The following ADARB2 variants were observed in gnomAD, a reference collection of about 807,000 sequenced individuals.
ADARB2 encodes inactive double-stranded RNA-specific editase B2.
Under a neutral mutation model 62.2 loss-of-function variants are expected in ADARB2, and 25 were observed. The observed-to-expected ratio is 0.40, with a 90% CI of 0.29 to 0.56. The LOEUF (loss-of-function observed/expected upper bound fraction) is 0.56. ADARB2 is among the 20% of genes least tolerant of loss of function. The pLI is 0.43. For synonymous variants in ADARB2, 572 were observed against 500.8 expected (o/e 1.14, Z -1.90); for missense variants, 1,071 against 1,077.4 (o/e 0.99, Z 0.08).
At chr10:1,606,956 G>C (rs1017360853) in intron 1 of ADARB2, among the ~76,000 whole-genome samples, 1 of 152,142 alleles carries the variant, frequency 6.6e-6, no homozygotes, top group African/African-American at 2.4e-5. Context: ...CAGTAATTCA[G>C]GCAAAGAATG....
intron 1 of ADARB2, among the ~76,000 whole-genome samples, chr10:1,394,682 C>G (rs973154348): frequency 5.9e-5 from 9 of 152,136 alleles, no homozygotes; most frequent in Admixed American, 4.6e-4. Context: ...CACTGGGCTC[C>G]CTGCACTGCA....
At chr10:1,508,233 C>T (rs183844103) in intron 1 of ADARB2, among the ~76,000 whole-genome samples, 1 of 152,300 alleles carries the variant, frequency 6.6e-6, no homozygotes, top group Non-Finnish European at 1.5e-5. Flanking sequence ...GACCTCCATC[C>T]ATCCCCAGGA....
At chr10:1,606,641 C>T (rs1332964660) in intron 1 of ADARB2, among the ~76,000 whole-genome samples, 2 of 152,158 alleles carry the variant, frequency 1.3e-5, no homozygotes, top group East Asian at 3.9e-4. Context: ...TTCTTTCTGG[C>T]CGGAAGTTCT....
At chr10:1,436,491 T>C (rs1830836685) in intron 1 of ADARB2, among the ~76,000 whole-genome samples, 1 of 152,214 alleles carries the variant, frequency 6.6e-6, no homozygotes, top group Non-Finnish European at 1.5e-5. Flanking sequence ...ATGTTACCAT[T>C]GGAACTGGGT....
intron 1 of ADARB2, among the ~76,000 whole-genome samples, chr10:1,661,132 G>A (rs953016395): frequency 1.3e-5 from 2 of 152,164 alleles, no homozygotes; most frequent in Non-Finnish European, 2.9e-5. Context: ...GCTCCTGACC[G>A]AAATCAGCCA....
chr10:1,476,522 G>A (rs1162039450), intron 1 of ADARB2, among the ~76,000 whole-genome samples: 1 of 152,208 alleles, frequency 6.6e-6, no homozygotes, highest in Non-Finnish European at 1.5e-5. Context: ...CAGAAGCTGA[G>A]GCCTGAACGC....
intron 1 of ADARB2, among the ~76,000 whole-genome samples, chr10:1,525,159 T>C (rs1588287403): frequency 6.6e-6 from 1 of 152,070 alleles, no homozygotes; most frequent in South Asian, 2.1e-4. Flanking sequence ...TAAAAAAAGG[T>C]CAGGTACCTG....
At chr10:1,522,531 T>A (rs1832085426) in intron 1 of ADARB2, among the ~76,000 whole-genome samples, 1 of 152,176 alleles carries the variant, frequency 6.6e-6, no homozygotes, top group African/African-American at 2.4e-5. Flanking sequence ...AGATGCCACC[T>A]TCTGTCTGTG....
chr10:1,702,791 C>T (rs997202443), intron 1 of ADARB2, among the ~76,000 whole-genome samples: 2 of 152,204 alleles, frequency 1.3e-5, no homozygotes, highest in Admixed American at 1.3e-4. Context: ...CTCAGACTGG[C>T]CCTCCTTTAG....
chr10:1,484,045 A>C (rs1020768500), intron 1 of ADARB2, among the ~76,000 whole-genome samples: 2 of 152,096 alleles, frequency 1.3e-5, no homozygotes, highest in Non-Finnish European at 2.9e-5. Context: ...TACACCCTAT[A>C]CTTCTTGTTC....
intron 1 of ADARB2, among the ~76,000 whole-genome samples, chr10:1,716,517 G>T (rs1271986116): frequency 6.6e-6 from 1 of 152,148 alleles, no homozygotes; most frequent in Non-Finnish European, 1.5e-5. Context: ...ATTAAGTGAG[G>T]CATTAATGTA....
intron 4 of ADARB2, among the ~76,000 whole-genome samples, chr10:1,245,531 C>T (rs542855314): frequency 5.6e-5 from 8 of 143,592 alleles, no homozygotes; most frequent in Admixed American, 4.9e-4. Context: ...TGTTCCCCTT[C>T]CTGTGTGCAT....
rs1483318763 is a variant in ADARB2, at chr10:1,327,542, C to A, written c.1077+35486G>T. Among the ~76,000 whole-genome samples, 40 of 57,642 alleles carry A rather than the reference C, an allele frequency of 6.9e-4. 2 individuals are homozygous for A. Among genetic ancestry groups the A allele is most frequent in the African/African-American group, 2.2e-3 (25 of 11,364 alleles). The allele number at this position is 57,642 out of a possible 152,430, so 37.8% of individuals were successfully genotyped here. A position where few individuals can be genotyped will look rare whatever the true frequency, so the allele number is the denominator to read the frequency against. ...CCATGGCACAGCGCCTCCTCACTGC[C>A]CAGCGCCTCCTCACGGCCCAGCGCC... On this transcript the variant is annotated intron_variant, in intron 3 of 9. Coordinates refer to ENST00000381312, the MANE Select transcript of ADARB2 (RefSeq NM_018702.4).
intron 3 of ADARB2, among the ~76,000 whole-genome samples, chr10:1,360,285 G>A (rs2820614): frequency 0.36 from 54,201 of 152,124 alleles, 11,950 homozygotes; most frequent in East Asian, 0.78. Context: ...TTTTCCGAGC[G>A]TGGGACACAG....
At chr10:1,578,903 G>A (rs1385768531) in intron 1 of ADARB2, among the ~76,000 whole-genome samples, 8 of 152,138 alleles carry the variant, frequency 5.3e-5, no homozygotes, top group South Asian at 4.2e-4. Context: ...TTCCCCATGC[G>A]CCTGGTGAGG....
At position 1,258,420 on chromosome 10, in the gene ADARB2, G is replaced by T. The variant is rs1476946261; in HGVS notation, c.1192+12535C>A. Among the ~76,000 whole-genome samples the T allele has an allele frequency of 2.0e-5, 3 of 152,060 alleles. No individual in the cohort carries two copies. The East Asian group carries it at 5.8e-4, about 29-fold the overall frequency. On this transcript the variant is annotated intron_variant, in intron 4 of 9. Coordinates refer to ENST00000381312, the MANE Select transcript of ADARB2 (RefSeq NM_018702.4). ...TGCTGTATTCAGGAAACCCATCTCAGCTGCAGAGACACACATAGGCTCAAA... is the reference window on the plus strand; with the variant it reads ...TGCTGTATTCAGGAAACCCATCTCATCTGCAGAGACACACATAGGCTCAAA...
chr10:1,731,477 C>T (rs367778944), intron 1 of ADARB2, among the ~76,000 whole-genome samples: 16 of 152,296 alleles, frequency 1.1e-4, no homozygotes, highest in African/African-American at 3.9e-4. Flanking sequence ...CACCAGAGCA[C>T]GTTAGCTGTC....
intron 1 of ADARB2, among the ~76,000 whole-genome samples, chr10:1,482,740 C>G (rs1831489384): frequency 6.6e-6 from 1 of 152,090 alleles, no homozygotes; most frequent in Admixed American, 6.5e-5. Flanking sequence ...TTCTTGTTGT[C>G]TGCATTGGAA....
chr10:1,577,247 T>TGATA (rs1833034777), intron 1 of ADARB2, among the ~76,000 whole-genome samples: 2 of 124,716 alleles, frequency 1.6e-5, no homozygotes, highest in African/African-American at 6.3e-5. Context: ...TGCAAAGCTG[T>TGATA]CCCGGAAACT....
Sources: allele counts gnomAD v4.1 joint callset (sites outside exome capture counted in the v4.1 genomes callset), GRCh38; gene constraint gnomAD v4.1.1; transcripts MANE v1.5; gene names NCBI Gene and HGNC (gene_info 2026-07-23, HGNC 2026-07-21).